GFM1: variants seen among roughly 807,000 people sequenced by gnomAD.
GFM1 encodes the protein elongation factor G, mitochondrial.
Under a neutral mutation model 96.2 loss-of-function variants are expected in GFM1, and 62 were observed. The observed-to-expected ratio is 0.64, with a 90% CI of 0.53 to 0.80. The LOEUF (loss-of-function observed/expected upper bound fraction) is 0.80, where lower values mean the gene tolerates loss of function less well. Ranked by LOEUF, GFM1 falls within the 30% of genes least tolerant of loss-of-function variation. The pLI, the probability that GFM1 is intolerant of heterozygous loss-of-function variation, is 0.00. For synonymous variants in GFM1, 282 were observed against 312.9 expected (o/e 0.90, Z 1.04); for missense variants, 852 against 916.6 (o/e 0.93, Z 0.91).
intron 13 of GFM1, among the ~76,000 whole-genome samples, chr3:158,667,398 AT>A (rs1723814955): frequency 6.6e-6 from 1 of 152,218 alleles, no homozygotes; most frequent in Non-Finnish European, 1.5e-5. Context: ...CTGTGTTTCC[AT>A]TGTACAGAAA....
At chr3:158,683,553 T>G (rs1051718395) in intron 14 of GFM1, among the ~76,000 whole-genome samples, 3 of 152,212 alleles carry the variant, frequency 2.0e-5, no homozygotes, top group Non-Finnish European at 1.5e-5. Context: ...TTACTGACGT[T>G]TTGTAACACT....
At position 158,644,799 on chromosome 3, in the gene GFM1, C is replaced by G. The variant is rs1864505; in HGVS notation, c.81+84C>G. The G allele has an allele frequency of 0.36, 427,143 of 1,178,038 alleles. 82,165 individuals carry two copies. The highest frequency in any genetic ancestry group is 0.62 in the African/African-American group (40,287 of 65,484). 73.0% of individuals were successfully genotyped at this position (1,178,038 alleles called of 1,614,324 possible). A position where few individuals can be genotyped will look rare whatever the true frequency, so the allele number is the denominator to read the frequency against. ...GGGCAATGGAAGGCCGTGACACCCC[C>G]TGGGTCCTCATGACTGACAGCTCCG... is the stretch of plus-strand genomic sequence containing the variant. On this transcript the variant is annotated intron_variant, in intron 1 of 17. Coordinates refer to ENST00000486715, the MANE Select transcript of GFM1 (RefSeq NM_024996.7).
rs1726487632 is a variant in GFM1 at position 158,694,765 on chromosome 3, C to T, written c.*3298C>T. 6.6e-6 allele frequency among the ~76,000 whole-genome samples: 1 copy of T among 151,936 alleles called. No individual in the cohort carries two copies. The highest frequency in any genetic ancestry group is 1.5e-5 in the Non-Finnish European group (1 of 67,988). ...AGCTTCCAACTGACTTTCAAAAGAA[C>T]TTGTTCAACTTCTAAAAATTCGTAA... On this transcript the variant is annotated 3_prime_UTR_variant, in exon 18 of 18. Coordinates refer to ENST00000486715, the MANE Select transcript of GFM1 (RefSeq NM_024996.7).
intron 15 of GFM1, 22 bp from the exon 16 acceptor site, chr3:158,690,141 C>CT (rs34920045): frequency 0.041 from 55,230 of 1,332,478 alleles, 11 homozygotes; most frequent in Non-Finnish European, 0.046. Context: ...GACTAATGAA[C>CT]TTTTTTTTTT....
intron 13 of GFM1, chr3:158,672,271 C>CG (rs1724399884): frequency 6.4e-7 from 1 of 1,574,172 alleles, no homozygotes; most frequent in Admixed American, 1.7e-5. Context: ...GTGTCTGCAC[C>CG]CAAAGGCTGA....
At chr3:158,649,201 G>A (rs1368133828) in intron 5 of GFM1, 44 bp downstream of exon 5, 1 of 831,432 alleles carries the variant, frequency 1.2e-6, no homozygotes, top group Non-Finnish European at 2.1e-6. Context: ...ATTTTAAAAA[G>A]CATTAAAAAG....
In GFM1 at chr3:158,665,268, G is replaced by GT. The variant is rs1384595580; in HGVS notation, c.1381-63dup. 2.3e-5 allele frequency: 28 copies of GT among 1,225,066 alleles called. No individual in the cohort carries two copies. The East Asian group carries it at 4.7e-4, about 20-fold the overall frequency. 75.9% of individuals were successfully genotyped at this position (1,225,066 alleles called of 1,614,324 possible). On this transcript the variant is annotated intron_variant, in intron 11 of 17. Transcript: ENST00000486715. ...GATGTATTTTATTTCATTCAGTAAA[G>GT]TTTTTTCTAAAATCCCATTGCTTAT...
chr3:158,666,475 A>G, intron 13 of GFM1, 89 bp downstream of exon 13: 1 of 1,215,290 alleles, frequency 8.2e-7, no homozygotes. Context: ...TTTTAAAGAC[A>G]TTTTTATGTA....
chr3:158,658,157 CT>C (rs397842738), intron 8 of GFM1, among the ~76,000 whole-genome samples: 1,108 of 97,258 alleles, frequency 0.011, 3 homozygotes, highest in African/African-American at 0.045. Context: ...TCACAGAACT[CT>C]TTTTTTTTTT....
At chr3:158,690,892 A>G (rs1158525782) in intron 16 of GFM1, among the ~76,000 whole-genome samples, 3 of 152,232 alleles carry the variant, frequency 2.0e-5, no homozygotes. Flanking sequence ...AAGGCTGTCA[A>G]TGGTGTTCAC....
chr3:158,687,866 A>T (rs1207851800), intron 15 of GFM1, among the ~76,000 whole-genome samples: 1 of 152,198 alleles, frequency 6.6e-6, no homozygotes, highest in Non-Finnish European at 1.5e-5. Flanking sequence ...CCTGATTAAA[A>T]AAAGACAAAA....
In GFM1 at chr3:158,646,951, ATGAGCC is replaced by A; in HGVS notation, c.572+6_572+11del. 1.2e-6 allele frequency: 2 copies of A among 1,611,620 alleles called. No individual in the cohort carries two copies. The highest frequency in any genetic ancestry group is 1.7e-6 in the Non-Finnish European group (2 of 1,177,678). ...CCAGGGCCCTGCAGCAAATGAGGTA[ATGAGCC>A]TTAGAATAAACAAAGAGGATGTGAT... On this transcript the variant is annotated splice_donor_5th_base_variant and intron_variant, in intron 4 of 17. Coordinates refer to ENST00000486715, the MANE Select transcript of GFM1 (RefSeq NM_024996.7).
intron 13 of GFM1, chr3:158,672,811 C>G (rs1422585631): frequency 3.6e-6 from 1 of 275,294 alleles, no homozygotes; most frequent in African/African-American, 2.2e-5. Flanking sequence ...GGGAGGGAGT[C>G]AGTGGGCTAG....
rs55992564 is a variant in GFM1, at chr3:158,652,354, C to G, written c.840+108C>G. On this transcript the variant is annotated intron_variant, in intron 6 of 17. Coordinates refer to ENST00000486715, the MANE Select transcript of GFM1 (RefSeq NM_024996.7). Reference sequence around the variant, plus strand: ...TGTATGGGCTTTATTAATGAAATCTCAATACATTTATTTAACATAATTGGC... The same window carrying G: ...TGTATGGGCTTTATTAATGAAATCTGAATACATTTATTTAACATAATTGGC... The G allele has an allele frequency of 0.037, 34,520 of 922,544 alleles. 859 individuals carry two copies. The highest frequency in any genetic ancestry group is 0.046 in the Non-Finnish European group (26,435 of 580,694). 57.1% of individuals were successfully genotyped at this position (922,544 alleles called of 1,614,324 possible).
chr3:158,645,780 A>G lies in GFM1; in HGVS notation c.233A>G (p.Glu78Gly). ...ACTGGCAGAATTGCAAAGATGCATG[A>G]GGTATATATTCACGGTTGATTCCGG... is the stretch of plus-strand genomic sequence containing the variant. Reference protein sequence around the residue: ...YYTGRIAKMHEVKGKDGVGAV... With the variant: ...YYTGRIAKMHGVKGKDGVGAV... The change falls in exon 2 of 18, where the codon GAG becomes GGG. Residue 78 changes from glutamate to glycine, a missense_variant and splice_region_variant. Transcript: ENST00000486715. The G allele has an allele frequency of 6.2e-7, 1 of 1,609,506 alleles. No individual in the cohort carries two copies. Among genetic ancestry groups the G allele is most frequent in the Non-Finnish European group, 8.5e-7 (1 of 1,175,784 alleles).
At chr3:158,645,303 TTAAAG>T (rs1489511043) in intron 1 of GFM1, among the ~76,000 whole-genome samples, 1 of 152,248 alleles carries the variant, frequency 6.6e-6, no homozygotes, top group East Asian at 1.9e-4. Flanking sequence ...GTATTTTCTA[TTAAAG>T]TATTTTTTGG....
At chr3:158,665,688 C>T (rs1723610651) in intron 12 of GFM1, among the ~76,000 whole-genome samples, 1 of 152,144 alleles carries the variant, frequency 6.6e-6, no homozygotes, top group African/African-American at 2.4e-5. Context: ...ACGTTCTGGA[C>T]TCCTAGAATC....
intron 13 of GFM1, among the ~76,000 whole-genome samples, chr3:158,678,351 G>A (rs929702549): frequency 3.3e-5 from 5 of 152,144 alleles, no homozygotes; most frequent in East Asian, 1.9e-4. Flanking sequence ...GGATCTGGAC[G>A]AAGTAAATTG....
At chr3:158,650,193 G>A in intron 5 of GFM1, 1 of 776,906 alleles carries the variant, frequency 1.3e-6, no homozygotes, top group Non-Finnish European at 2.2e-6. Context: ...ACTGAGTAAT[G>A]ACAACAAAGT....
Sources: allele counts gnomAD v4.1 joint callset (sites outside exome capture counted in the v4.1 genomes callset), GRCh38; gene constraint gnomAD v4.1.1; transcripts MANE v1.5; gene names NCBI Gene and HGNC (gene_info 2026-07-23, HGNC 2026-07-21).